Variants in RYR3 observed in about 807,000 individuals in gnomAD.
RYR3 encodes the protein ryanodine receptor 3.
In RYR3, 207 loss-of-function variants were observed where a neutral mutation model predicts 584.3. The ratio of observed to expected loss-of-function variants is 0.35; its 90% CI spans 0.32 to 0.40. RYR3 has a LOEUF of 0.40. RYR3 is among the 10% of genes least tolerant of loss of function. The probability of loss-of-function intolerance (pLI) is 1.00; values close to 1 mark genes in which losing one functional copy is unlikely to be tolerated. For synonymous variants in RYR3, 2,416 were observed against 2,248.5 expected (o/e 1.07, Z -2.11); for missense variants, 5,616 against 6,089.2 (o/e 0.92, Z 2.59).
At chr15:33,653,505 T>C (rs1334646985) in intron 32 of RYR3, among the ~76,000 whole-genome samples, 1 of 151,888 alleles carries the variant, frequency 6.6e-6, no homozygotes, top group Admixed American at 6.6e-5. Flanking sequence ...CCTGTCTCTA[T>C]TAAAAATGCA....
chr15:33,603,407 A>G, intron 18 of RYR3, 43 bp downstream of exon 18: 17 of 1,505,652 alleles, frequency 1.1e-5, no homozygotes, highest in Non-Finnish European at 1.5e-5. Context: ...CTCACTGGAA[A>G]TGATGGAGGC....
intron 38 of RYR3, among the ~76,000 whole-genome samples, chr15:33,671,772 T>C (rs2063849754): frequency 6.6e-6 from 1 of 151,714 alleles, no homozygotes; most frequent in African/African-American, 2.4e-5. Context: ...GAGTCTCTTT[T>C]GAAAGTGGTT....
At chr15:33,703,554 A>G (rs1258034300) in intron 42 of RYR3, among the ~76,000 whole-genome samples, 1 of 152,162 alleles carries the variant, frequency 6.6e-6, no homozygotes, top group Admixed American at 6.5e-5. Flanking sequence ...CTTGAAGGAC[A>G]TGACCCCAAC....
At chr15:33,615,035 AT>A (rs1461025897) in intron 19 of RYR3, among the ~76,000 whole-genome samples, 1 of 152,144 alleles carries the variant, frequency 6.6e-6, no homozygotes, top group Admixed American at 6.5e-5. Flanking sequence ...TAACCACGTT[AT>A]TCATTTTAAT....
At chr15:33,539,941 CAGG>C (rs1482740905) in intron 6 of RYR3, among the ~76,000 whole-genome samples, 1 of 152,010 alleles carries the variant, frequency 6.6e-6, no homozygotes, top group African/African-American at 2.4e-5. Flanking sequence ...CTTGCTGTCT[CAGG>C]GGGAGTAGAG....
At chr15:33,705,476 G>A (rs1361523340) in intron 42 of RYR3, among the ~76,000 whole-genome samples, 2 of 152,156 alleles carry the variant, frequency 1.3e-5, no homozygotes, top group Admixed American at 1.3e-4. Context: ...GGATTTTGGA[G>A]CACTGTGGAT....
chr15:33,854,221 G>T (rs2079404613), intron 96 of RYR3, among the ~76,000 whole-genome samples, 168 bp from the exon 97 acceptor site: 1 of 151,310 alleles, frequency 6.6e-6, no homozygotes, highest in Non-Finnish European at 1.5e-5. Flanking sequence ...TTCAGGCTAT[G>T]TGATTCAACT....
At chr15:33,835,863 C>T (rs1484225913) in intron 87 of RYR3, among the ~76,000 whole-genome samples, 2 of 149,338 alleles carry the variant, frequency 1.3e-5, no homozygotes, top group East Asian at 2.0e-4. Flanking sequence ...AGTGTAGTCT[C>T]GAGACAAGAG....
intron 1 of RYR3, among the ~76,000 whole-genome samples, chr15:33,322,119 G>A (rs1026047309): frequency 2.0e-5 from 3 of 152,188 alleles, no homozygotes; most frequent in African/African-American, 7.2e-5. Context: ...TTAGAACTTG[G>A]ACAACATTGG....
chr15:33,864,675 GA>G, intron 103 of RYR3: 1 of 175,880 alleles, frequency 5.7e-6, no homozygotes, highest in African/African-American at 2.4e-5. Context: ...AACAAGGGAG[GA>G]AAAAGTCAGT....
chr15:33,614,671 A>G (rs904915755), intron 19 of RYR3, among the ~76,000 whole-genome samples: 1 of 152,098 alleles, frequency 6.6e-6, no homozygotes, highest in Non-Finnish European at 1.5e-5. Flanking sequence ...CTGACTTTAT[A>G]TAGTATATGT....
chr15:33,817,262 G>A (rs994044326), intron 75 of RYR3, among the ~76,000 whole-genome samples: 9 of 152,166 alleles, frequency 5.9e-5, no homozygotes, highest in African/African-American at 2.2e-4. Flanking sequence ...GAGCACCACT[G>A]GTTGCAGGAG....
intron 10 of RYR3, among the ~76,000 whole-genome samples, chr15:33,560,622 T>A (rs1400071788): frequency 3.9e-5 from 6 of 152,312 alleles, no homozygotes; most frequent in Admixed American, 2.0e-4. Flanking sequence ...AGCACTGCAT[T>A]AGCTATGGTT....
intron 1 of RYR3, among the ~76,000 whole-genome samples, chr15:33,459,243 T>A (rs926683965): frequency 6.6e-6 from 1 of 152,212 alleles, no homozygotes; most frequent in Admixed American, 6.5e-5. Flanking sequence ...GTTCTTTTCC[T>A]GTAGGCTCAT....
intron 41 of RYR3, 25 bp downstream of exon 41, chr15:33,699,858 C>T (rs759173627): frequency 6.2e-7 from 1 of 1,602,086 alleles, no homozygotes; most frequent in Admixed American, 1.7e-5. Context: ...TTGTAACTTC[C>T]ACATCCAAAC....
intron 12 of RYR3, among the ~76,000 whole-genome samples, chr15:33,578,374 T>C (rs1231706947): frequency 6.6e-6 from 1 of 152,132 alleles, no homozygotes; most frequent in Non-Finnish European, 1.5e-5. Context: ...CCATCAGTGA[T>C]AGACTGGATC....
intron 27 of RYR3, among the ~76,000 whole-genome samples, chr15:33,643,332 C>T (rs1297125706): frequency 6.6e-6 from 1 of 152,188 alleles, no homozygotes; most frequent in Non-Finnish European, 1.5e-5. Flanking sequence ...ACATAATTAG[C>T]GCTTTCCCTG....
At chr15:33,491,897 A>G (rs1289460466) in intron 2 of RYR3, among the ~76,000 whole-genome samples, 5 of 152,198 alleles carry the variant, frequency 3.3e-5, no homozygotes, top group Admixed American at 6.5e-5. Flanking sequence ...GAAAGATGTC[A>G]ATGACTTCAA....
intron 40 of RYR3, among the ~76,000 whole-genome samples, chr15:33,698,437 G>T (rs2066017482): frequency 6.6e-6 from 1 of 152,188 alleles, no homozygotes; most frequent in South Asian, 2.1e-4. Context: ...GAAGAAGCCA[G>T]GTTTCCTTGC....
Sources: allele counts gnomAD v4.1 joint callset (sites outside exome capture counted in the v4.1 genomes callset), GRCh38; gene constraint gnomAD v4.1.1; transcripts MANE v1.5; gene names NCBI Gene and HGNC (gene_info 2026-07-23, HGNC 2026-07-21).